The following GPHN variants were observed in gnomAD, a reference collection of about 807,000 sequenced individuals.
GPHN encodes gephyrin.
GPHN carries 17 observed loss-of-function variants against 95.5 expected under a neutral mutation model. The observed-to-expected ratio is 0.18, with a 90% CI of 0.12 to 0.27. The LOEUF is 0.27. Among genes scored for constraint, GPHN ranks in the 10% least tolerant of loss-of-function variants. The pLI, the probability that GPHN is intolerant of heterozygous loss-of-function variation, is 1.00. For synonymous variants in GPHN, 320 were observed against 322.5 expected (o/e 0.99, Z 0.08); for missense variants, 660 against 978.1 (o/e 0.67, Z 4.34).
At chr14:67,205,753 G>A in the GPHN span, among the ~76,000 whole-genome samples, 1 of 152,162 alleles carries the variant, frequency 6.6e-6, no homozygotes, top group Admixed American at 6.6e-5. Context: ...CACTCTTTGG[G>A]CAAACGTTAG....
intron 16 of GPHN, among the ~76,000 whole-genome samples, chr14:67,114,920 T>C (rs2078589214): frequency 1.3e-5 from 2 of 152,178 alleles, no homozygotes; most frequent in Non-Finnish European, 1.5e-5. Flanking sequence ...ATAGAGATGG[T>C]ATTATATCAT....
At chr14:66,665,507 C>T (rs192284710) in intron 1 of GPHN, among the ~76,000 whole-genome samples, 1 of 152,296 alleles carries the variant, frequency 6.6e-6, no homozygotes, top group African/African-American at 2.4e-5. Context: ...AAATGCTCAT[C>T]ATCACTGGCC....
chr14:67,400,742 C>T, the GPHN span, among the ~76,000 whole-genome samples: 1 of 151,966 alleles, frequency 6.6e-6, no homozygotes, highest in Non-Finnish European at 1.5e-5. Flanking sequence ...AATCCCAGCA[C>T]TTCGGGAGGC....
chr14:66,702,234 A>C (rs1406641650), intron 2 of GPHN, among the ~76,000 whole-genome samples: 2 of 152,206 alleles, frequency 1.3e-5, no homozygotes, highest in Non-Finnish European at 2.9e-5. Context: ...TGGGGAATCC[A>C]GGCAGCCCAG....
chr14:66,917,145 TC>T (rs1026628972), intron 6 of GPHN, among the ~76,000 whole-genome samples: 6 of 152,212 alleles, frequency 3.9e-5, no homozygotes, highest in Admixed American at 3.3e-4. Flanking sequence ...GTGCATTTCT[TC>T]CTCAGGCCAG....
chr14:66,623,611 CTG>C (rs1211297026), intron 1 of GPHN, among the ~76,000 whole-genome samples: 5 of 113,790 alleles, frequency 4.4e-5, no homozygotes, highest in Non-Finnish European at 8.3e-5. Context: ...GAGTGAGACT[CTG>C]TTTCAAAAAA....
chr14:67,450,059 GTC>G, the GPHN span: 1 of 154,018 alleles, frequency 6.5e-6, no homozygotes, highest in South Asian at 2.0e-4. Context: ...CAAAAACTCT[GTC>G]TCAAACAAAC....
At chr14:66,961,545 A>G (rs1279023162) in intron 8 of GPHN, among the ~76,000 whole-genome samples, 2 of 151,904 alleles carry the variant, frequency 1.3e-5, no homozygotes, top group African/African-American at 2.4e-5. Context: ...CAGAATAAAT[A>G]CTAAAATCTA....
At chr14:67,152,974 A>AC (rs992783894) in intron 18 of GPHN, among the ~76,000 whole-genome samples, 2 of 151,450 alleles carry the variant, frequency 1.3e-5, no homozygotes, top group African/African-American at 4.9e-5. Context: ...AAAAAAAAAA[A>AC]AGGTTCACTG....
At chr14:67,650,807 G>A in the GPHN span, 136 of 1,614,188 alleles carry the variant, frequency 8.4e-5, no homozygotes, top group African/African-American at 1.6e-3. Context: ...GGCAGTAGAT[G>A]TGATTGCTTC....
At chr14:67,119,799 A>C (rs2078910860) in intron 16 of GPHN, among the ~76,000 whole-genome samples, 1 of 152,038 alleles carries the variant, frequency 6.6e-6, no homozygotes, top group Non-Finnish European at 1.5e-5. Flanking sequence ...TCAAAAACAA[A>C]AACAAACAAC....
the GPHN span, among the ~76,000 whole-genome samples, chr14:67,618,169 C>A: frequency 6.6e-6 from 1 of 152,134 alleles, no homozygotes. Context: ...ATGAACTGAA[C>A]AAGTATGACA....
At chr14:67,270,548 C>G in the GPHN span, 1 of 149,058 alleles carries the variant, frequency 6.7e-6, no homozygotes, top group African/African-American at 2.5e-5. Flanking sequence ...AGGTAATTCT[C>G]TAGTTCAGTC....
chr14:67,373,292 A>C, the GPHN span, among the ~76,000 whole-genome samples: 7 of 152,204 alleles, frequency 4.6e-5, no homozygotes, highest in Non-Finnish European at 1.0e-4. Context: ...CAAAGAACTT[A>C]ACACTAAAAG....
At chr14:67,465,302 A>G in the GPHN span, among the ~76,000 whole-genome samples, 1 of 150,458 alleles carries the variant, frequency 6.6e-6, no homozygotes, top group East Asian at 1.9e-4. Flanking sequence ...GAGAGGTAAC[A>G]TAGGGGCCGA....
intron 2 of GPHN, among the ~76,000 whole-genome samples, 187 bp from the exon 3 acceptor site, chr14:66,776,277 A>G (rs2059379779): frequency 6.6e-6 from 1 of 152,092 alleles, no homozygotes; most frequent in Non-Finnish European, 1.5e-5. Flanking sequence ...GTCAATAGTC[A>G]TTCATTATCT....
chr14:67,154,525 A>T (rs1158593435), intron 18 of GPHN, among the ~76,000 whole-genome samples: 1 of 152,208 alleles, frequency 6.6e-6, no homozygotes, highest in East Asian at 1.9e-4. Flanking sequence ...CCTAATACAT[A>T]ATAGGCACTC....
chr14:66,878,309 A>G (rs1200081998), intron 4 of GPHN, among the ~76,000 whole-genome samples: 2 of 152,072 alleles, frequency 1.3e-5, no homozygotes, highest in African/African-American at 4.8e-5. Flanking sequence ...AACATGGGCA[A>G]AGACTTCATG....
chr14:66,861,253 A>G (rs961963946), intron 4 of GPHN, among the ~76,000 whole-genome samples: 4 of 152,154 alleles, frequency 2.6e-5, no homozygotes, highest in Non-Finnish European at 5.9e-5. Flanking sequence ...ATAGTTTTCT[A>G]AACAAAAACT....
Sources: allele counts gnomAD v4.1 joint callset (sites outside exome capture counted in the v4.1 genomes callset), GRCh38; gene constraint gnomAD v4.1.1; transcripts MANE v1.5; gene names NCBI Gene and HGNC (gene_info 2026-07-23, HGNC 2026-07-21).